Variants in ZNF311 observed in about 807,000 individuals in gnomAD.
ZNF311 encodes zinc finger protein zfp31.
In ZNF311, 14 loss-of-function variants were observed where a neutral mutation model predicts 22.7. The observed-to-expected ratio is 0.62, with a 90% CI of 0.41 to 0.96. The LOEUF is 0.96. Among genes scored for constraint, ZNF311 ranks in the 40% least tolerant of loss-of-function variants. ZNF311 has a pLI of 0.00. For missense variants in ZNF311, 731 were observed against 799.0 expected, an observed-to-expected ratio of 0.91 and a Z score of 1.03; for synonymous variants, 250 against 275.3, an observed-to-expected ratio of 0.91 and a Z score of 0.91.
chr6:29,003,620 A>G (rs1418439768), intron 2 of ZNF311, 26 bp from the exon 3 acceptor site: 1 of 1,612,384 alleles, frequency 6.2e-7, no homozygotes, highest in East Asian at 2.2e-5. Context: ...GAATGAATTC[A>G]GGAAAGTTAT....
At position 28,999,503 on chromosome 6, in the gene ZNF311, C is replaced by T. The variant is rs1308683188; in HGVS notation, c.294G>A (p.Gly98=). 2.5e-6 allele frequency: 4 copies of T among 1,611,992 alleles called. No individual in the cohort carries two copies. In the African/African-American group the frequency reaches 4.0e-5, roughly 16 times the overall value. Residue 98 remains glycine, a synonymous_variant, in exon 5 of 7, where the codon GGG becomes GGA. Coordinates refer to ENST00000377179, the MANE Select transcript of ZNF311 (RefSeq NM_001382360.1). The part of the protein sequence containing the change: ...LYKDVMLENY[G]NMVSLGFPFP... ...GGTCCTTACCAAGTGATACCATGTT[C>T]CCATAATTTTCCAACATCACATCCT...
At position 29,004,311 on chromosome 6, in the gene ZNF311, C is replaced by T. The variant is rs992300202; in HGVS notation, c.-260-97G>A. 3.5e-6 allele frequency: 3 copies of T among 850,428 alleles called. No individual in the cohort carries two copies. The East Asian group carries it at 1.3e-4, about 37-fold the overall frequency. 52.7% of individuals were successfully genotyped at this position (850,428 alleles called of 1,614,324 possible). A position where few individuals can be genotyped will look rare whatever the true frequency, so the allele number is the denominator to read the frequency against. ...CACGAAGTCAAACTGAAAATGTGAA[C>T]ATATCCAGAATACAATCTCAACGGC... On this transcript the variant is annotated intron_variant, in intron 1 of 6. Transcript: ENST00000377179.
Position 28,996,057 on chromosome 6 carries a change from T to G in ZNF311, c.945A>C (p.Arg315Ser). The change falls in exon 7 of 7, where the codon AGA becomes AGC. Residue 315 changes from arginine to serine, a missense_variant. Coordinates refer to ENST00000377179, the MANE Select transcript of ZNF311 (RefSeq NM_001382360.1). ...TTTTTTTATGTCGGCAAAGAGCTGATCTACTGTTGAAAGCCTTCCCACACT... is the reference window on the plus strand; with the variant it reads ...TTTTTTTATGTCGGCAAAGAGCTGAGCTACTGTTGAAAGCCTTCCCACACT... ...CTQCGKAFNSRSALCRHKKTH... is the reference protein window; with the variant it reads ...CTQCGKAFNSSSALCRHKKTH... 2 of 1,613,266 alleles carry G rather than the reference T, an allele frequency of 1.2e-6. No individual in the cohort carries two copies. Among genetic ancestry groups the G allele is most frequent in the Non-Finnish European group, 1.7e-6 (2 of 1,180,002 alleles).
chr6:29,000,553 G>A (rs565762934), intron 3 of ZNF311, among the ~76,000 whole-genome samples: 1 of 152,220 alleles, frequency 6.6e-6, no homozygotes, highest in East Asian at 1.9e-4. Context: ...GTAACTTAAT[G>A]GCTGGTCTAC....
At chr6:28,999,748 T>C in intron 4 of ZNF311, 135 bp from the exon 5 acceptor site, 1 of 1,365,734 alleles carries the variant, frequency 7.3e-7, no homozygotes, top group Non-Finnish European at 9.8e-7. Flanking sequence ...TATGTACAAA[T>C]GAGATGAAAG....
At chr6:29,002,746 G>C (rs1168173894) in intron 3 of ZNF311, among the ~76,000 whole-genome samples, 1 of 151,364 alleles carries the variant, frequency 6.6e-6, no homozygotes, top group Non-Finnish European at 1.5e-5. Flanking sequence ...TCAGCCTCCT[G>C]AGTAACTGGG....
rs757997345 is a variant in ZNF311, at chr6:29,003,584, A to C, written c.20T>G (p.Leu7Trp). Reference sequence around the variant, plus strand: ...GCTTGGTGGTCCTGAACTCTCATCCAACAGCACAACCTATTGCAAGACACA... The same window carrying C: ...GCTTGGTGGTCCTGAACTCTCATCCCACAGCACAACCTATTGCAAGACACA... MQEVVL[L>W]DESSGPPSQL... Residue 7 changes from leucine (L) to tryptophan (W), a missense_variant, in exon 3 of 7, where the codon TTG becomes TGG. By Grantham distance (61) the Leu-to-Trp change is moderately conservative. Coordinates refer to ENST00000377179, the MANE Select transcript of ZNF311 (RefSeq NM_001382360.1). The C allele has an allele frequency of 6.8e-6, 11 of 1,613,048 alleles. No individual in the cohort carries two copies. The highest frequency in any genetic ancestry group is 8.5e-6 in the Non-Finnish European group (10 of 1,180,020).
At chr6:28,999,340 A>C in intron 5 of ZNF311, 147 bp downstream of exon 5, 1 of 742,092 alleles carries the variant, frequency 1.3e-6, no homozygotes, top group Non-Finnish European at 1.9e-6. Flanking sequence ...TAATAGAGGC[A>C]ACTCAAAACT....
At chr6:29,003,855 A>G in intron 2 of ZNF311, 91 bp downstream of exon 2, 1 of 1,611,992 alleles carries the variant, frequency 6.2e-7, no homozygotes, top group South Asian at 1.1e-5. Context: ...CTAGAGTCAG[A>G]CACACCTCCA....
At position 28,995,674 on chromosome 6, in the gene ZNF311, T is replaced by C. The variant is rs558888844; in HGVS notation, c.1328A>G (p.Tyr443Cys). 44 of 1,613,556 alleles carry C rather than the reference T, an allele frequency of 2.7e-5. No homozygotes were observed. In the Admixed American group the frequency reaches 4.8e-4, roughly 18 times the overall value. The part of the protein sequence containing the change: ...HKRIHTREKH[Y>C]GCPQCGKDFS... The stretch of plus-strand genomic sequence containing the variant: ...GTCTTTTCCACACTGGGGACACCCA[T>C]AGTGTTTCTCCCGAGTATGGATTCG... Residue 443 changes from tyrosine to cysteine, a missense_variant, in exon 7 of 7, where the codon TAT becomes TGT. By Grantham distance (194) the Tyr-to-Cys change is radical (BLOSUM62 -2). Coordinates refer to ENST00000377179, the MANE Select transcript of ZNF311 (RefSeq NM_001382360.1). The surrounding 1 kb of genome is among the most constrained non-coding windows in gnomAD (Gnocchi z 4.7).
intron 4 of ZNF311, 129 bp downstream of exon 4, chr6:28,999,827 C>T (rs1237051197): frequency 8.7e-6 from 11 of 1,269,280 alleles, no homozygotes; most frequent in Non-Finnish European, 1.2e-5. Flanking sequence ...TATCATGCAA[C>T]AAAATGTTCC....
chr6:28,995,484 T>G lies in ZNF311; in HGVS notation c.1518A>C (p.Lys506Asn). The change falls in exon 7 of 7, where the codon AAA becomes AAC. Residue 506 changes from lysine to asparagine, a missense_variant. Coordinates refer to ENST00000377179, the MANE Select transcript of ZNF311 (RefSeq NM_001382360.1). This position sits in a 1 kb window ranked among gnomAD's most constrained non-coding sequence, Gnocchi z 4.7. ...EKPYQCRDCG[K>N]TFQDKHCLTI... ...TAAGGCAGTGCTTATCTTGGAAGGT[T>G]TTCCCACAATCCCTGCATTGATAGG... The G allele has an allele frequency of 6.2e-7, 1 of 1,612,868 alleles. No homozygotes were observed. Among genetic ancestry groups the G allele is most frequent in the Non-Finnish European group, 8.5e-7 (1 of 1,179,514 alleles).
intron 6 of ZNF311, among the ~76,000 whole-genome samples, chr6:28,997,102 C>G (rs1277160860): frequency 6.6e-6 from 1 of 152,222 alleles, no homozygotes; most frequent in Non-Finnish European, 1.5e-5. Context: ...GTCAGATTCT[C>G]TAATCCTGGA....
chr6:29,003,659 C>G lies in ZNF311; in HGVS notation c.10-65G>C, dbSNP rs904452349. 4.7e-5 allele frequency: 74 copies of G among 1,563,026 alleles called. No homozygotes were observed. The African/African-American group carries it at 8.9e-4, about 19-fold the overall frequency. ...GGTGAGAAAAATACATAGGAAGATG[C>G]AAGCAACCATACAGGTCTATCCACA... On this transcript the variant is annotated intron_variant, in intron 2 of 6. Coordinates refer to ENST00000377179, the MANE Select transcript of ZNF311 (RefSeq NM_001382360.1).
chr6:28,995,920 C>T lies in ZNF311; in HGVS notation c.1082G>A (p.Cys361Tyr). The change falls in exon 7 of 7, where the codon TGT (cysteine) becomes TAT (tyrosine). Residue 361 changes from cysteine to tyrosine, a missense_variant. Coordinates refer to ENST00000377179, the MANE Select transcript of ZNF311 (RefSeq NM_001382360.1). The surrounding 1 kb of genome is among the most constrained non-coding windows in gnomAD (Gnocchi z 4.7). ...LIHTGEKPYK[C>Y]NCCGKAFQFK... ...CTGGAAGGCCTTCCCACAGCAGTTA[C>T]ATTTGTAAGGCTTCTCCCCGGTGTG... 6.2e-7 allele frequency: 1 copy of T among 1,613,934 alleles called. No individual in the cohort carries two copies. Among genetic ancestry groups the T allele is most frequent in the Non-Finnish European group, 8.5e-7 (1 of 1,180,014 alleles).
chr6:28,996,360 G>T lies in ZNF311; in HGVS notation c.642C>A (p.Thr214=). ...REEKEGSEEV[T]CKKGKNQKVL... The stretch of plus-strand genomic sequence containing the variant: ...CTTTCTGGTTCTTTCCTTTTTTGCA[G>T]GTCACTTCCTCAGAGCCTTCTTTCT... Residue 214 remains threonine (T), a synonymous_variant, in exon 7 of 7, where the codon ACC becomes ACA. Coordinates refer to ENST00000377179, the MANE Select transcript of ZNF311 (RefSeq NM_001382360.1). 6.2e-7 allele frequency: 1 copy of T among 1,611,856 alleles called. No individual in the cohort carries two copies. The highest frequency in any genetic ancestry group is 8.5e-7 in the Non-Finnish European group (1 of 1,179,924).
intron 3 of ZNF311, among the ~76,000 whole-genome samples, chr6:29,001,479 C>T (rs1780443419): frequency 6.6e-6 from 1 of 152,212 alleles, no homozygotes; most frequent in African/African-American, 2.4e-5. Flanking sequence ...ACTCTAAAAG[C>T]TCCGAGCTCC....
Position 29,000,050 on chromosome 6 carries a change from G to C in ZNF311, c.92-3C>G, listed in dbSNP as rs1554212707. 2 of 1,612,502 alleles carry C rather than the reference G, an allele frequency of 1.2e-6. No individual in the cohort carries two copies. ...AGGATATGGAGCAGGTAATAGAGCT[G>C]AGGGAAGATAAGTAAGCCAAGAGTC... On this transcript the variant is annotated splice_polypyrimidine_tract_variant and splice_region_variant and intron_variant, in intron 3 of 6. Transcript: ENST00000377179.
chr6:28,998,742 G>A lies in ZNF311; in HGVS notation c.407C>T (p.Ser136Phe), dbSNP rs776089157. Reference protein sequence around the residue: ...DPQDRESLSCSYPVSADKMWP... With the variant: ...DPQDRESLSCFYPVSADKMWP... ...GTTTCTCTATTACTCACCTGGGTAG[G>A]AGCAGCTTAGGGACTCCCTGTCCTG... The change falls in exon 6 of 7, where the codon TCC becomes TTC. Residue 136 changes from serine to phenylalanine, a missense_variant. Transcript: ENST00000377179. 1.2e-6 allele frequency: 2 copies of A among 1,610,750 alleles called. No individual in the cohort carries two copies. Among genetic ancestry groups the A allele is most frequent in the South Asian group, 2.2e-5 (2 of 90,858 alleles).
Sources: allele counts gnomAD v4.1 joint callset (sites outside exome capture counted in the v4.1 genomes callset), GRCh38; gene constraint gnomAD v4.1.1; non-coding constraint Gnocchi (gnomAD v3.1); transcripts MANE v1.5; gene names NCBI Gene and HGNC (gene_info 2026-07-23, HGNC 2026-07-21).